MAST2: variants seen among roughly 807,000 people sequenced by gnomAD.
The protein encoded by MAST2 is microtubule associated serine/threonine kinase 2.
In MAST2, 70 loss-of-function variants were observed where a neutral mutation model predicts 147.4. That is an observed-to-expected ratio of 0.47 (90% CI 0.39 to 0.58). MAST2 has a LOEUF of 0.58. Among genes scored for constraint, MAST2 ranks in the 20% least tolerant of loss-of-function variants. The probability of loss-of-function intolerance (pLI) is 0.00; values close to 1 mark genes in which losing one functional copy is unlikely to be tolerated. For synonymous variants in MAST2, 869 were observed against 896.8 expected, an observed-to-expected ratio of 0.97 and a Z score of 0.55; for missense variants, 2,080 against 2,302.3, an observed-to-expected ratio of 0.90 and a Z score of 1.98.
intron 4 of MAST2, among the ~76,000 whole-genome samples, chr1:45,911,853 A>T (rs867343049): frequency 9.6e-5 from 13 of 135,792 alleles, no homozygotes; most frequent in African/African-American, 3.1e-4. Flanking sequence ...TATTATTGTT[A>T]TATTATTATT....
chr1:45,869,955 C>T (rs1646314178), intron 3 of MAST2, among the ~76,000 whole-genome samples: 1 of 151,004 alleles, frequency 6.6e-6, no homozygotes, highest in South Asian at 2.1e-4. Flanking sequence ...CAGAGTTTTG[C>T]TCTTGTCACC....
chr1:45,849,806 G>A lies in MAST2; in HGVS notation c.468+20225G>A, dbSNP rs182755702. ...CTCCCAAAGTGCTGGGATTACAGGC[G>A]TGAGCCACTGTGCCCCGCCCATATT... On this transcript the variant is annotated intron_variant, in intron 3 of 28. Transcript: ENST00000361297. Among the ~76,000 whole-genome samples, 13 of 152,296 alleles carry A rather than the reference G, an allele frequency of 8.5e-5. No individual in the cohort carries two copies. In the South Asian group the frequency reaches 1.5e-3, roughly 17 times the overall value.
intron 5 of MAST2, among the ~76,000 whole-genome samples, chr1:45,983,329 A>G (rs1644485574): frequency 6.6e-6 from 1 of 152,178 alleles, no homozygotes. Flanking sequence ...AGACTCAGAA[A>G]AAGTCTTTGA....
intron 16 of MAST2, among the ~76,000 whole-genome samples, chr1:46,026,033 TG>T (rs1227197444): frequency 1.3e-5 from 2 of 152,136 alleles, no homozygotes; most frequent in South Asian, 2.1e-4. Flanking sequence ...TTCGGTGACA[TG>T]GAAGAGTCAT....
chr1:45,948,591 C>T (rs1252376149), intron 4 of MAST2, among the ~76,000 whole-genome samples: 2 of 150,072 alleles, frequency 1.3e-5, no homozygotes, highest in Non-Finnish European at 1.5e-5. Flanking sequence ...TCTGTAGTCT[C>T]AGCTACCTGG....
At chr1:45,941,838 G>C (rs550813561) in intron 4 of MAST2, among the ~76,000 whole-genome samples, 3 of 152,244 alleles carry the variant, frequency 2.0e-5, no homozygotes, top group East Asian at 3.9e-4. Flanking sequence ...TATTGAGATG[G>C]TTGTGTAGTT....
intron 24 of MAST2, 93 bp from the exon 25 acceptor site, chr1:46,032,085 T>G: frequency 2.1e-6 from 2 of 971,898 alleles, no homozygotes; most frequent in Admixed American, 3.5e-5. Flanking sequence ...TCAGGCTCTG[T>G]CTGTGACTAG....
At chr1:45,873,386 C>T (rs777616224) in intron 3 of MAST2, among the ~76,000 whole-genome samples, 4 of 151,778 alleles carry the variant, frequency 2.6e-5, no homozygotes, top group Non-Finnish European at 5.9e-5. Flanking sequence ...TTATTAGAGA[C>T]GAGGTCTCAC....
At chr1:45,870,393 A>T (rs1260304037) in intron 3 of MAST2, among the ~76,000 whole-genome samples, 4 of 152,030 alleles carry the variant, frequency 2.6e-5, no homozygotes, top group Admixed American at 2.6e-4. Context: ...TCAGTTTTTT[A>T]AAATGCTCAT....
chr1:46,031,846 G>T lies in MAST2; in HGVS notation c.3187+261G>T, dbSNP rs1211400255. Among the ~76,000 whole-genome samples, 1 of 152,316 alleles carries T rather than the reference G, an allele frequency of 6.6e-6. No individual in the cohort carries two copies. Reference sequence around the variant, plus strand: ...CCATCACTAACAGGCTCTTGACCTTGAGCAAGTTGCTTAACTTCTCTAAGC... The same window carrying T: ...CCATCACTAACAGGCTCTTGACCTTTAGCAAGTTGCTTAACTTCTCTAAGC... On this transcript the variant is annotated intron_variant, in intron 24 of 28. Coordinates refer to ENST00000361297, the MANE Select transcript of MAST2 (RefSeq NM_015112.3). This position sits in a 1 kb window ranked among gnomAD's most constrained non-coding sequence, Gnocchi z 4.1.
Position 45,860,383 on chromosome 1 carries a change from CAAAA to C in MAST2, c.469-21966_469-21963del, listed in dbSNP as rs10540608. 3.0e-3 allele frequency among the ~76,000 whole-genome samples: 420 copies of C among 139,394 alleles called. 2 individuals are homozygous for C. Among genetic ancestry groups the C allele is most frequent in the Middle Eastern group, 7.4e-3 (2 of 270 alleles). 91.4% of individuals were successfully genotyped at this position (139,394 alleles called of 152,430 possible). ...TGGGTGACAGAGTGAGAATCTGTCT[CAAAA>C]AAAAAAAAAAAAAATTTATGTGAAG... On this transcript the variant is annotated intron_variant, in intron 3 of 28. Transcript: ENST00000361297.
chr1:45,972,626 T>C (rs1255018191), intron 5 of MAST2, among the ~76,000 whole-genome samples: 1 of 152,204 alleles, frequency 6.6e-6, no homozygotes, highest in Non-Finnish European at 1.5e-5. Flanking sequence ...CTAATTTCAT[T>C]ATCCCTTACT....
intron 3 of MAST2, among the ~76,000 whole-genome samples, chr1:45,866,331 G>A (rs1207492003): frequency 6.6e-6 from 1 of 152,080 alleles, no homozygotes; most frequent in African/African-American, 2.4e-5. Flanking sequence ...GATGAGATTT[G>A]TCCCTTGATT....
At chr1:45,934,471 G>A (rs2148740838) in intron 4 of MAST2, among the ~76,000 whole-genome samples, 1 of 152,010 alleles carries the variant, frequency 6.6e-6, no homozygotes, top group Admixed American at 6.5e-5. Flanking sequence ...TGTTGCCTAG[G>A]CTTGAGTGCA....
intron 5 of MAST2, among the ~76,000 whole-genome samples, chr1:45,970,805 T>G (rs1173332852): frequency 2.0e-5 from 3 of 151,396 alleles, no homozygotes; most frequent in Non-Finnish European, 4.4e-5. Flanking sequence ...AGTGTTTTTT[T>G]TTTTTTTTTT....
intron 5 of MAST2, among the ~76,000 whole-genome samples, chr1:45,969,707 T>C (rs1351534204): frequency 6.6e-6 from 1 of 152,138 alleles, no homozygotes; most frequent in Non-Finnish European, 1.5e-5. Context: ...TATATTATGG[T>C]GAGCTGTATA....
chr1:45,819,432 A>G (rs1433922993), intron 1 of MAST2, among the ~76,000 whole-genome samples: 1 of 152,194 alleles, frequency 6.6e-6, no homozygotes, highest in Non-Finnish European at 1.5e-5. Context: ...CCTTGTTTGC[A>G]GATGATTTGA....
intron 4 of MAST2, among the ~76,000 whole-genome samples, chr1:45,955,299 A>G (rs1393705926): frequency 6.6e-6 from 1 of 152,190 alleles, no homozygotes; most frequent in African/African-American, 2.4e-5. Context: ...CATATAACCT[A>G]TACACATCTT....
At chr1:45,823,454 C>G (rs1029831194) in intron 1 of MAST2, among the ~76,000 whole-genome samples, 5 of 151,698 alleles carry the variant, frequency 3.3e-5, no homozygotes, top group African/African-American at 1.2e-4. Context: ...TCTGTCTCAG[C>G]CTCCCGAGTA....
Sources: allele counts gnomAD v4.1 joint callset (sites outside exome capture counted in the v4.1 genomes callset), GRCh38; gene constraint gnomAD v4.1.1; non-coding constraint Gnocchi (gnomAD v3.1); transcripts MANE v1.5; gene names NCBI Gene and HGNC (gene_info 2026-07-23, HGNC 2026-07-21).